FBN2: variants seen among roughly 807,000 people sequenced by gnomAD.
FBN2 encodes the protein fibrillin-2.
A neutral mutation model predicts 355.6 loss-of-function variants in FBN2; 105 were observed. The observed-to-expected ratio is 0.30, with a 90% CI of 0.25 to 0.35. The LOEUF is 0.35. Among genes scored for constraint, FBN2 ranks in the 10% least tolerant of loss-of-function variants. The probability of loss-of-function intolerance (pLI) is 1.00; values close to 1 mark genes in which losing one functional copy is unlikely to be tolerated. For synonymous variants in FBN2, 1,350 were observed against 1,301.2 expected (o/e 1.04, Z -0.81); for missense variants, 3,280 against 3,758.7 (o/e 0.87, Z 3.33).
rs780405629 is a variant in FBN2, at chr5:128,318,180, A to C, written c.4686T>G (p.Phe1562Leu). 8.7e-6 allele frequency: 14 copies of C among 1,613,944 alleles called. No homozygotes were observed. The highest frequency in any genetic ancestry group is 1.1e-5 in the Non-Finnish European group (13 of 1,179,924). ...AACCCACACCAGTTGGGTTCAACTGAAAATCGGGTGGGCAGTTACACTCAT... is the reference window on the plus strand; with the variant it reads ...AACCCACACCAGTTGGGTTCAACTGCAAATCGGGTGGGCAGTTACACTCAT... ...GRYECNCPPD[F>L]QLNPTGVGCV... The change falls in exon 36 of 65, where the codon TTT (phenylalanine) becomes TTG (leucine). Residue 1562 changes from phenylalanine to leucine, a missense_variant. Coordinates refer to ENST00000262464, the MANE Select transcript of FBN2 (RefSeq NM_001999.4).
chr5:128,405,949 A>G (rs1475891153), intron 8 of FBN2, among the ~76,000 whole-genome samples: 1 of 152,218 alleles, frequency 6.6e-6, no homozygotes, highest in Admixed American at 6.5e-5. Flanking sequence ...ACAGTGTTCA[A>G]TGACGACTCC....
chr5:128,454,923 T>C (rs949206798), intron 6 of FBN2, among the ~76,000 whole-genome samples: 49 of 152,228 alleles, frequency 3.2e-4, no homozygotes, highest in African/African-American at 1.1e-3. Flanking sequence ...ACAATTTTCT[T>C]CTGCTATACC....
intron 7 of FBN2, among the ~76,000 whole-genome samples, chr5:128,413,398 A>C (rs988205739): frequency 3.3e-5 from 5 of 152,158 alleles, no homozygotes; most frequent in Admixed American, 6.6e-5. Context: ...GAGGCTAAGG[A>C]AGAACACTGT....
intron 7 of FBN2, among the ~76,000 whole-genome samples, chr5:128,416,048 CAG>C (rs1753189237): frequency 7.2e-6 from 1 of 139,196 alleles, no homozygotes; most frequent in Admixed American, 7.3e-5. Flanking sequence ...TTTTTTTAGA[CAG>C]AGTTTTGCTC....
intron 5 of FBN2, among the ~76,000 whole-genome samples, chr5:128,494,451 C>T (rs1268698696): frequency 6.6e-6 from 1 of 152,110 alleles, no homozygotes; most frequent in Non-Finnish European, 1.5e-5. Context: ...GAGTCAGAGG[C>T]TCAAAGGCTG....
At chr5:128,468,085 A>G (rs1754761175) in intron 5 of FBN2, among the ~76,000 whole-genome samples, 1 of 152,138 alleles carries the variant, frequency 6.6e-6, no homozygotes, top group Non-Finnish European at 1.5e-5. Flanking sequence ...CATCACCCAA[A>G]AAGAACTTGT....
At chr5:128,443,928 C>T (rs1173361988) in intron 7 of FBN2, among the ~76,000 whole-genome samples, 2 of 152,016 alleles carry the variant, frequency 1.3e-5, no homozygotes, top group Admixed American at 1.3e-4. Context: ...ACAGACACTA[C>T]ATTATCCATA....
rs1304895603 is a variant in FBN2 at position 128,377,688 on chromosome 5, T to C, written c.1849+64A>G. 8.4e-6 allele frequency: 13 copies of C among 1,548,022 alleles called. No individual in the cohort carries two copies. The East Asian group carries it at 2.7e-4, about 32-fold the overall frequency. On this transcript the variant is annotated intron_variant, in intron 13 of 64. Coordinates refer to ENST00000262464, the MANE Select transcript of FBN2 (RefSeq NM_001999.4). ...TGTGAGCTTTCATGGAAATAGTACA[T>C]GGTTCTAAATAAAAATGTATATCCT...
intron 55 of FBN2, among the ~76,000 whole-genome samples, chr5:128,283,144 G>A (rs1749027774): frequency 6.6e-6 from 1 of 152,154 alleles, no homozygotes; most frequent in African/African-American, 2.4e-5. Flanking sequence ...CGGTACTCTA[G>A]ATTGCCTTCC....
At chr5:128,475,777 T>C (rs141018242) in intron 5 of FBN2, among the ~76,000 whole-genome samples, 98 of 152,224 alleles carry the variant, frequency 6.4e-4, no homozygotes, top group African/African-American at 2.3e-3. Flanking sequence ...ACAAAGGAGA[T>C]TAAATAGGCT....
chr5:128,409,147 T>C (rs1012391245), intron 7 of FBN2, among the ~76,000 whole-genome samples: 6 of 152,202 alleles, frequency 3.9e-5, no homozygotes, highest in African/African-American at 7.2e-5. Flanking sequence ...AAAAAACACA[T>C]ACATGGATTA....
intron 5 of FBN2, among the ~76,000 whole-genome samples, chr5:128,496,206 C>A (rs148007689): frequency 3.2e-4 from 48 of 152,006 alleles, no homozygotes; most frequent in African/African-American, 1.1e-3. Context: ...TACACTGATA[C>A]CAAAATCATA....
chr5:128,500,921 T>C (rs532725492), intron 5 of FBN2, among the ~76,000 whole-genome samples: 62 of 152,194 alleles, frequency 4.1e-4, no homozygotes, highest in Non-Finnish European at 7.6e-4. Context: ...CTCTACCAGA[T>C]GGGAGAAAAC....
intron 4 of FBN2, among the ~76,000 whole-genome samples, chr5:128,526,586 C>T (rs563319184): frequency 5.3e-5 from 8 of 152,200 alleles, no homozygotes; most frequent in East Asian, 1.9e-4. Context: ...TGCTAAAACA[C>T]GGATGAACCT....
chr5:128,478,206 G>A (rs920073783), intron 5 of FBN2, among the ~76,000 whole-genome samples: 3 of 152,176 alleles, frequency 2.0e-5, no homozygotes, highest in African/African-American at 7.2e-5. Context: ...CAGTGGTGCT[G>A]TTGGACTTCA....
chr5:128,477,466 AAAGAT>A (rs1755036640), intron 5 of FBN2, among the ~76,000 whole-genome samples: 1 of 152,194 alleles, frequency 6.6e-6, no homozygotes, highest in Non-Finnish European at 1.5e-5. Context: ...TAAAACACTT[AAAGAT>A]AAAAGTTTTA....
At chr5:128,355,315 T>C (rs966617107) in intron 20 of FBN2, among the ~76,000 whole-genome samples, 3 of 152,216 alleles carry the variant, frequency 2.0e-5, no homozygotes, top group African/African-American at 4.8e-5. Context: ...CTGGATTATA[T>C]AGAACCATCA....
Position 128,378,793 on chromosome 5 carries a change from A to T in FBN2, c.1701T>A (p.Thr567=). The T allele has an allele frequency of 6.2e-7, 1 of 1,613,194 alleles. No homozygotes were observed. The highest frequency in any genetic ancestry group is 8.5e-7 in the Non-Finnish European group (1 of 1,179,380). Residue 567 remains threonine, a synonymous_variant, in exon 12 of 65, where the codon ACT becomes ACA. Coordinates refer to ENST00000262464, the MANE Select transcript of FBN2 (RefSeq NM_001999.4). ...TACCAATGCATGCTTGCTTGGTAGGAGTCCTCTGGAATCCAGCATGACATT... is the reference window on the plus strand; with the variant it reads ...TACCAATGCATGCTTGCTTGGTAGGTGTCCTCTGGAATCCAGCATGACATT... ...YCKCHAGFQR[T]PTKQACIDID... is the part of the protein sequence containing the mutation.
chr5:128,283,246 T>A (rs960665609), intron 55 of FBN2, among the ~76,000 whole-genome samples: 3 of 152,234 alleles, frequency 2.0e-5, no homozygotes, highest in African/African-American at 7.2e-5. Flanking sequence ...AAAACTCTCT[T>A]ATTCACCTAT....
Sources: allele counts gnomAD v4.1 joint callset (sites outside exome capture counted in the v4.1 genomes callset), GRCh38; gene constraint gnomAD v4.1.1; transcripts MANE v1.5; gene names NCBI Gene and HGNC (gene_info 2026-07-23, HGNC 2026-07-21).